The following DLG2 variants were observed in gnomAD, a reference collection of about 807,000 sequenced individuals.
DLG2 encodes the protein discs large MAGUK scaffold protein 2.
In DLG2, 45 loss-of-function variants were observed where a neutral mutation model predicts 132.5. That is an observed-to-expected ratio of 0.34 (90% CI 0.27 to 0.44). The LOEUF is 0.44. DLG2 is among the 20% of genes least tolerant of loss of function. The pLI, the probability that DLG2 is intolerant of heterozygous loss-of-function variation, is 1.00. For synonymous variants in DLG2, 424 were observed against 419.6 expected, an observed-to-expected ratio of 1.01 and a Z score of -0.13; for missense variants, 1,045 against 1,196.9, an observed-to-expected ratio of 0.87 and a Z score of 1.87.
intron 6 of DLG2, among the ~76,000 whole-genome samples, chr11:84,895,480 T>C (rs1406758356): frequency 1.3e-5 from 2 of 152,312 alleles, no homozygotes; most frequent in African/African-American, 4.8e-5. Flanking sequence ...TAAAGATTAA[T>C]ACAATGGCAG....
chr11:83,490,563 C>G (rs1334116222), intron 21 of DLG2, among the ~76,000 whole-genome samples: 1 of 151,924 alleles, frequency 6.6e-6, no homozygotes, highest in Non-Finnish European at 1.5e-5. Context: ...GGATATTTAT[C>G]TCTTCCCAGA....
chr11:85,360,004 T>A (rs2084021092), intron 3 of DLG2, among the ~76,000 whole-genome samples: 1 of 152,090 alleles, frequency 6.6e-6, no homozygotes, highest in Non-Finnish European at 1.5e-5. Flanking sequence ...CTCTCTATAC[T>A]CAGCTCACAC....
intron 6 of DLG2, among the ~76,000 whole-genome samples, chr11:84,891,684 G>C (rs1008808552): frequency 1.3e-4 from 20 of 152,180 alleles, no homozygotes; most frequent in Admixed American, 1.1e-3. Context: ...GGCAACAAGG[G>C]TCATTTGGGC....
chr11:84,871,342 A>C (rs2085428872), intron 6 of DLG2, among the ~76,000 whole-genome samples: 1 of 152,212 alleles, frequency 6.6e-6, no homozygotes, highest in South Asian at 2.1e-4. Flanking sequence ...TGGTGTTCTC[A>C]GGACTTCCAG....
At chr11:84,740,222 C>G (rs1032274712) in intron 6 of DLG2, among the ~76,000 whole-genome samples, 2 of 151,892 alleles carry the variant, frequency 1.3e-5, no homozygotes, top group East Asian at 3.9e-4. Flanking sequence ...TGGAAGCCCC[C>G]GGGGGCAGCA....
intron 7 of DLG2, among the ~76,000 whole-genome samples, chr11:84,283,012 G>C (rs2097867849): frequency 6.6e-6 from 1 of 152,126 alleles, no homozygotes; most frequent in Admixed American, 6.5e-5. Context: ...TTTGAAGTAT[G>C]TACTATGTCA....
At chr11:84,454,165 G>A (rs1036486141) in intron 7 of DLG2, among the ~76,000 whole-genome samples, 63 of 151,490 alleles carry the variant, frequency 4.2e-4, no homozygotes, top group Non-Finnish European at 8.9e-5. Context: ...GACTAAAGAA[G>A]ATAATTAGCC....
intron 18 of DLG2, among the ~76,000 whole-genome samples, chr11:83,783,730 C>T (rs1272446748): frequency 6.6e-6 from 1 of 152,110 alleles, no homozygotes; most frequent in African/African-American, 2.4e-5. Flanking sequence ...ATTCTTTCTC[C>T]CTCCACTCCT....
intron 17 of DLG2, among the ~76,000 whole-genome samples, chr11:83,787,033 A>G (rs893769729): frequency 1.3e-5 from 2 of 152,134 alleles, no homozygotes; most frequent in Non-Finnish European, 2.9e-5. Context: ...ATTTTTATCT[A>G]TTCATGTTCT....
At chr11:85,224,518 T>C (rs538349806) in intron 4 of DLG2, among the ~76,000 whole-genome samples, 2 of 152,306 alleles carry the variant, frequency 1.3e-5, no homozygotes, top group South Asian at 4.1e-4. Flanking sequence ...CCAGGCTGTT[T>C]AAACTTAGTG....
At chr11:84,697,942 T>C (rs963299903) in intron 6 of DLG2, among the ~76,000 whole-genome samples, 3 of 151,484 alleles carry the variant, frequency 2.0e-5, no homozygotes, top group Non-Finnish European at 4.4e-5. Flanking sequence ...ATGACACCTT[T>C]TGAAAAAAAC....
At chr11:83,661,612 T>C (rs1313610251) in intron 18 of DLG2, among the ~76,000 whole-genome samples, 4 of 152,112 alleles carry the variant, frequency 2.6e-5, no homozygotes, top group Non-Finnish European at 5.9e-5. Flanking sequence ...CACTTATGAC[T>C]CTAATAGTAG....
chr11:84,490,477 C>T (rs1330661816), intron 7 of DLG2, among the ~76,000 whole-genome samples: 1 of 151,938 alleles, frequency 6.6e-6, no homozygotes, highest in Non-Finnish European at 1.5e-5. Flanking sequence ...CTCAGGAAAA[C>T]TGAGCCCTGG....
At chr11:85,082,560 G>A (rs1019013935) in intron 6 of DLG2, among the ~76,000 whole-genome samples, 1 of 151,934 alleles carries the variant, frequency 6.6e-6, no homozygotes, top group Non-Finnish European at 1.5e-5. Context: ...CTTTATATGA[G>A]TTCTTTAAGG....
chr11:84,312,349 C>T (rs867661459), intron 7 of DLG2, among the ~76,000 whole-genome samples: 2 of 152,026 alleles, frequency 1.3e-5, no homozygotes, highest in South Asian at 2.1e-4. Flanking sequence ...CCTGGTGGCG[C>T]GTGCCTGTAG....
chr11:83,499,883 A>ATATAT (rs1342405029), intron 21 of DLG2, among the ~76,000 whole-genome samples: 6 of 93,226 alleles, frequency 6.4e-5, no homozygotes, highest in African/African-American at 2.9e-4. Context: ...ATATATATAT[A>ATATAT]TATATATATA....
chr11:83,731,879 T>C (rs1051307647), intron 18 of DLG2, among the ~76,000 whole-genome samples: 2 of 152,232 alleles, frequency 1.3e-5, no homozygotes, highest in African/African-American at 4.8e-5. Context: ...ATAAGAGCTA[T>C]ACCACCAGAA....
At chr11:84,149,778 GTCACCCAATGCAATGACATTGCA>G (rs2095231892) in intron 9 of DLG2, among the ~76,000 whole-genome samples, 1 of 151,782 alleles carries the variant, frequency 6.6e-6, no homozygotes, top group South Asian at 2.1e-4. Flanking sequence ...GTCTCACTCT[GTCACCCAATGCAATGACATTGCA>G]TCTCGTGATG....
intron 6 of DLG2, among the ~76,000 whole-genome samples, chr11:84,686,472 C>T (rs2099738248): frequency 6.6e-6 from 1 of 152,056 alleles, no homozygotes; most frequent in Admixed American, 6.6e-5. Context: ...GACTTCTAAA[C>T]TAATCTGTTC....
Sources: allele counts gnomAD v4.1 joint callset (sites outside exome capture counted in the v4.1 genomes callset), GRCh38; gene constraint gnomAD v4.1.1; transcripts MANE v1.5; gene names NCBI Gene and HGNC (gene_info 2026-07-23, HGNC 2026-07-21).